Variants in HIVEP3 observed in about 807,000 individuals in gnomAD.
The protein encoded by HIVEP3 is transcription factor HIVEP3.
Under a neutral mutation model 152.8 loss-of-function variants are expected in HIVEP3, and 49 were observed. The observed-to-expected ratio is 0.32, with a 90% CI of 0.26 to 0.41. HIVEP3 has a LOEUF of 0.41. Ranked by LOEUF, HIVEP3 falls within the 10% of genes least tolerant of loss-of-function variation. The pLI, the probability that HIVEP3 is intolerant of heterozygous loss-of-function variation, is 1.00. For synonymous variants in HIVEP3, 1,269 were observed against 1,289.0 expected (o/e 0.98, Z 0.33); for missense variants, 2,790 against 3,103.3 (o/e 0.90, Z 2.40).
chr1:41,665,206 C>A (rs982059564), intron 2 of HIVEP3, among the ~76,000 whole-genome samples: 1 of 152,152 alleles, frequency 6.6e-6, no homozygotes, highest in Non-Finnish European at 1.5e-5. Flanking sequence ...AGCCCTGCTT[C>A]GAGGCTACCA....
At chr1:41,703,877 G>A (rs1339422471) in intron 1 of HIVEP3, among the ~76,000 whole-genome samples, 1 of 152,208 alleles carries the variant, frequency 6.6e-6, no homozygotes, top group Non-Finnish European at 1.5e-5. Context: ...AGATCTAGGC[G>A]GGAGGAGATT....
intron 5 of HIVEP3, among the ~76,000 whole-genome samples, chr1:41,527,470 TCACCTTCATACTCACACAC>T (rs1643025291): frequency 1.5e-5 from 1 of 68,210 alleles, no homozygotes; most frequent in Non-Finnish European, 2.9e-5. Context: ...GTCCTCACAC[TCACCTTCATACTCACACAC>T]CACCCTCACA....
chr1:41,855,531 A>C (rs1570675945), intron 1 of HIVEP3, among the ~76,000 whole-genome samples: 1 of 152,202 alleles, frequency 6.6e-6, no homozygotes, highest in East Asian at 1.9e-4. Flanking sequence ...CCCATCAAAA[A>C]GTGGGTGAAG....
intron 1 of HIVEP3, among the ~76,000 whole-genome samples, chr1:41,824,034 C>T (rs61113973): frequency 0.012 from 1,779 of 152,260 alleles, 31 homozygotes; most frequent in African/African-American, 0.04. Flanking sequence ...AGTGGAAGCA[C>T]CATTGTGTAG....
intron 3 of HIVEP3, among the ~76,000 whole-genome samples, chr1:41,607,776 A>T (rs1314206597): frequency 6.6e-6 from 1 of 152,204 alleles, no homozygotes; most frequent in Non-Finnish European, 1.5e-5. Flanking sequence ...AGTGGCTTAG[A>T]CGAGACAGTT....
Position 41,756,252 on chromosome 1 carries a change from G to A in HIVEP3, c.-800-55257C>T, listed in dbSNP as rs557234288. On this transcript the variant is annotated intron_variant, in intron 1 of 8. Transcript: ENST00000372583. ...GATTATAGAGATAGAGGACAAACCA[G>A]TGGTTGCCAACAGTCAGGGATGACT... is the stretch of plus-strand genomic sequence containing the variant. Among the ~76,000 whole-genome samples, 6 of 152,326 alleles carry A rather than the reference G, an allele frequency of 3.9e-5. No homozygotes were observed. The South Asian group carries it at 1.2e-3, about 32-fold the overall frequency.
At chr1:41,829,845 C>T (rs1642911500) in intron 1 of HIVEP3, among the ~76,000 whole-genome samples, 4 of 150,872 alleles carry the variant, frequency 2.7e-5, no homozygotes, top group African/African-American at 4.9e-5. Flanking sequence ...TTATAATTTC[C>T]TCACCTGTAA....
chr1:41,674,802 T>C (rs1207401536), intron 2 of HIVEP3, among the ~76,000 whole-genome samples: 1 of 152,196 alleles, frequency 6.6e-6, no homozygotes, highest in Non-Finnish European at 1.5e-5. Context: ...AAACACTGCC[T>C]ATTCCACAGT....
chr1:41,561,178 A>G (rs1240171408), intron 5 of HIVEP3, among the ~76,000 whole-genome samples: 2 of 152,228 alleles, frequency 1.3e-5, no homozygotes, highest in South Asian at 2.1e-4. Context: ...CCACATGGCA[A>G]TCATTCATTT....
At chr1:41,625,277 T>C (rs934477727) in intron 3 of HIVEP3, among the ~76,000 whole-genome samples, 2 of 142,368 alleles carry the variant, frequency 1.4e-5, no homozygotes, top group Non-Finnish European at 3.0e-5. Flanking sequence ...AAGCAAGCAA[T>C]ACAATGATGA....
At chr1:41,688,977 G>A (rs150864344) in intron 2 of HIVEP3, among the ~76,000 whole-genome samples, 165 of 152,212 alleles carry the variant, frequency 1.1e-3, no homozygotes, top group Middle Eastern at 3.4e-3. Context: ...TGGGAATCCC[G>A]CGTCCTCACC....
chr1:41,801,899 G>T (rs74669241), intron 1 of HIVEP3, among the ~76,000 whole-genome samples: 1 of 152,146 alleles, frequency 6.6e-6, no homozygotes, highest in African/African-American at 2.4e-5. Context: ...AGACAATGAG[G>T]GAATTGCAGG....
chr1:41,613,107 G>A (rs1487972554), intron 3 of HIVEP3, among the ~76,000 whole-genome samples: 7 of 152,352 alleles, frequency 4.6e-5, no homozygotes, highest in African/African-American at 1.4e-4. Context: ...GGAGTCAGCC[G>A]CTAGGGGCTC....
At chr1:41,857,843 T>G (rs1643810879) in intron 1 of HIVEP3, among the ~76,000 whole-genome samples, 2 of 152,208 alleles carry the variant, frequency 1.3e-5, no homozygotes, top group South Asian at 4.1e-4. Flanking sequence ...GTATGTTTAT[T>G]TTTCTAACTT....
At chr1:41,935,797 A>G in intron 1 of HIVEP3, among the ~76,000 whole-genome samples, 1 of 149,334 alleles carries the variant, frequency 6.7e-6, no homozygotes, top group East Asian at 1.9e-4. Flanking sequence ...ACTAACTCTA[A>G]GAATAAAGAG....
intron 1 of HIVEP3, among the ~76,000 whole-genome samples, chr1:41,859,473 T>G (rs1197916649): frequency 6.6e-6 from 1 of 152,232 alleles, no homozygotes; most frequent in Non-Finnish European, 1.5e-5. Flanking sequence ...TATTTTCCAC[T>G]CCACATGTCT....
chr1:41,819,056 C>T (rs1642505675), intron 1 of HIVEP3, among the ~76,000 whole-genome samples: 1 of 152,152 alleles, frequency 6.6e-6, no homozygotes, highest in East Asian at 1.9e-4. Flanking sequence ...AAGTAACTTG[C>T]CCCTAAGATA....
Position 41,580,385 on chromosome 1 carries a change from G to A in HIVEP3, c.4413C>T (p.Val1471=), listed in dbSNP as rs755899830. 9 of 1,614,170 alleles carry A rather than the reference G, an allele frequency of 5.6e-6. No individual in the cohort carries two copies. In the South Asian group the frequency reaches 8.8e-5, roughly 16 times the overall value. The change falls in exon 4 of 9, where the codon GTC becomes GTT. Residue 1471 remains valine (V), a synonymous_variant. Coordinates refer to ENST00000372583, the MANE Select transcript of HIVEP3 (RefSeq NM_024503.5). ...KLELVKPCSV[V]LTSTEDGKRP... is the part of the protein sequence containing the mutation. ...TCTTCCCATCCTCGGTGCTGGTAAGGACCACACTGCATGGTTTTACCAGCT... is the reference window on the plus strand; with the variant it reads ...TCTTCCCATCCTCGGTGCTGGTAAGAACCACACTGCATGGTTTTACCAGCT...
At chr1:41,851,289 CTTTTTTTTTTTT>C (rs34180186) in intron 1 of HIVEP3, among the ~76,000 whole-genome samples, 18 of 59,800 alleles carry the variant, frequency 3.0e-4, no homozygotes, top group Non-Finnish European at 4.0e-4. Flanking sequence ...TCTTCTTCTT[CTTTTTTTTTTTT>C]TTTTTTTTTT....
Sources: gnomAD v4.1 joint callset for allele counts (sites outside exome capture counted in the v4.1 genomes callset) on GRCh38, gnomAD v4.1.1 for gene constraint, MANE v1.5 for transcripts, NCBI Gene and HGNC (gene_info 2026-07-23, HGNC 2026-07-21) for gene names.